The following IL31RA variants were observed in gnomAD, a reference collection of about 807,000 sequenced individuals.
The protein encoded by IL31RA is interleukin 31 receptor A, also known as interleukin-31 receptor subunit alpha.
IL31RA carries 66 observed loss-of-function variants against 83.7 expected under a neutral mutation model. The observed-to-expected ratio is 0.79, with a 90% CI of 0.65 to 0.97. The LOEUF (loss-of-function observed/expected upper bound fraction) is 0.97. Ranked by LOEUF, IL31RA falls within the 50% of genes least tolerant of loss-of-function variation. IL31RA has a pLI of 0.00. For missense variants in IL31RA, 798 were observed against 919.4 expected (o/e 0.87, Z 1.71); for synonymous variants, 325 against 329.0 (o/e 0.99, Z 0.13).
At chr5:55,880,851 T>C (rs190246938) in intron 4 of IL31RA, among the ~76,000 whole-genome samples, 1 of 152,278 alleles carries the variant, frequency 6.6e-6, no homozygotes, top group Admixed American at 6.5e-5. Flanking sequence ...AGAAACACTA[T>C]TGTTAGCGGT....
chr5:55,906,040 A>T (rs114661754), intron 8 of IL31RA, 66 bp from the exon 9 acceptor site: 36,630 of 1,497,214 alleles, frequency 0.024, 975 homozygotes, highest in African/African-American at 0.13. Context: ...TGAGGATGCC[A>T]GTGTGGTTGT....
At chr5:55,850,908 T>C (rs375846790), upstream of IL31RA, among the ~76,000 whole-genome samples, 3 of 151,930 alleles carry the variant, frequency 2.0e-5, no homozygotes, top group East Asian at 3.9e-4. Context: ...CTGAACAACA[T>C]GGAGAAACCC....
chr5:55,851,724 C>T (rs1745082780), intron 1 of IL31RA, 91 bp downstream of exon 1: 1 of 1,611,508 alleles, frequency 6.2e-7, no homozygotes, highest in African/African-American at 1.3e-5. Context: ...GTTGATTTTA[C>T]CTACCTAGTG....
chr5:55,911,511 G>A (rs912485269), intron 12 of IL31RA, among the ~76,000 whole-genome samples: 8 of 152,096 alleles, frequency 5.3e-5, no homozygotes. Context: ...TGAGCAAAAA[G>A]ACATATGATA....
chr5:55,906,554 C>T (rs1749172171), intron 9 of IL31RA, among the ~76,000 whole-genome samples: 1 of 152,114 alleles, frequency 6.6e-6, no homozygotes, highest in Non-Finnish European at 1.5e-5. Context: ...AGAGTCCTTC[C>T]CGGATAGCTG....
rs16884629 is a variant in IL31RA at position 55,891,243 on chromosome 5, G to A, written c.772+1108G>A. Among the ~76,000 whole-genome samples, 3,713 of 152,302 alleles carry A rather than the reference G, an allele frequency of 0.024. 297 individuals carry two copies. In the East Asian group the frequency reaches 0.28, roughly 12 times the overall value. On this transcript the variant is annotated intron_variant, in intron 6 of 14. Coordinates refer to ENST00000652347, the MANE Select transcript of IL31RA (RefSeq NM_139017.7). Reference sequence around the variant, plus strand: ...AACAGCTCAGGGTCACTCAGCATGTGTTACTTTTCTCAAGAGCCTTGCCCA... The same window carrying A: ...AACAGCTCAGGGTCACTCAGCATGTATTACTTTTCTCAAGAGCCTTGCCCA...
chr5:55,872,523 G>A lies in IL31RA; in HGVS notation c.454+72G>A, dbSNP rs549944810. On this transcript the variant is annotated intron_variant, in intron 4 of 14. Coordinates refer to ENST00000652347, the MANE Select transcript of IL31RA (RefSeq NM_139017.7). ...CTCCTTCTCTGTTCAAGAGGTATCT[G>A]TGGACTCAAAAGTAGGCTCATCAAG... is the stretch of plus-strand genomic sequence containing the variant. 5 of 1,110,178 alleles carry A rather than the reference G, an allele frequency of 4.5e-6. No homozygotes were observed. The East Asian group carries it at 7.1e-5, about 16-fold the overall frequency. The allele number at this position is 1,110,178 out of a possible 1,614,324, so 68.8% of individuals were successfully genotyped here.
intron 2 of IL31RA, among the ~76,000 whole-genome samples, chr5:55,865,446 C>T (rs1192028831): frequency 6.6e-6 from 1 of 152,120 alleles, no homozygotes; most frequent in Non-Finnish European, 1.5e-5. Context: ...TTCTCAGTGG[C>T]TCCTTTACCC....
At chr5:55,881,967 T>G (rs376164400) in intron 4 of IL31RA, among the ~76,000 whole-genome samples, 12 of 152,222 alleles carry the variant, frequency 7.9e-5, no homozygotes, top group African/African-American at 2.9e-4. Context: ...TGCCTCAGCC[T>G]CCCAAAGTGC....
chr5:55,875,580 T>C (rs949046396), intron 4 of IL31RA, among the ~76,000 whole-genome samples: 13 of 152,152 alleles, frequency 8.5e-5, no homozygotes, highest in Non-Finnish European at 1.3e-4. Context: ...ACTGTAAACA[T>C]TGGTGTTAAT....
chr5:55,840,043 G>T, the IL31RA span: 4 of 430,548 alleles, frequency 9.3e-6, no homozygotes, highest in Admixed American at 1.0e-4. Context: ...TACCTGGTCT[G>T]GTGTCAAAAC....
intron 13 of IL31RA, 45 bp from the exon 14 acceptor site, chr5:55,914,802 G>T: frequency 7.3e-7 from 1 of 1,373,346 alleles, no homozygotes. Context: ...TGGTGCTAAT[G>T]CTTCTTGGAT....
chr5:55,869,002 G>T (rs1296913891), intron 3 of IL31RA, 94 bp downstream of exon 3: 9 of 804,752 alleles, frequency 1.1e-5, no homozygotes, highest in Non-Finnish European at 2.0e-5. Context: ...GAAGCAAAAA[G>T]TTTCCTCAAT....
Position 55,859,601 on chromosome 5 carries a change from T to C in IL31RA, c.154+2T>C. 1 of 1,595,482 alleles carries C rather than the reference T, an allele frequency of 6.3e-7. No homozygotes were observed. The highest frequency in any genetic ancestry group is 1.1e-5 in the South Asian group (1 of 90,582). On this transcript the variant is annotated splice_donor_variant, in intron 2 of 14. Coordinates refer to ENST00000652347, the MANE Select transcript of IL31RA (RefSeq NM_139017.7). LOFTEE classifies it high-confidence loss of function. ...CACTCTGCAAATTCAGCCTGGCAGG[T>C]AGGTTGACCTGGGCCCTTTTACAGA... is the stretch of plus-strand genomic sequence containing the variant.
At chr5:55,867,221 TTGTGTGTG>T (rs1192139886) in intron 2 of IL31RA, among the ~76,000 whole-genome samples, 1 of 74,726 alleles carries the variant, frequency 1.3e-5, no homozygotes, top group Admixed American at 1.2e-4. Flanking sequence ...GCATGTGTGT[TTGTGTGTG>T]TGTTTGTGTG....
At chr5:55,895,729 A>G (rs1474202875) in intron 6 of IL31RA, among the ~76,000 whole-genome samples, 1 of 152,228 alleles carries the variant, frequency 6.6e-6, no homozygotes, top group Non-Finnish European at 1.5e-5. Context: ...TCGTAACCAG[A>G]AAATAGTTTC....
chr5:55,911,327 T>C (rs887035987), intron 12 of IL31RA, among the ~76,000 whole-genome samples: 1 of 152,024 alleles, frequency 6.6e-6, no homozygotes, highest in Non-Finnish European at 1.5e-5. Flanking sequence ...TCCCCCTGGG[T>C]CCCTCCCACA....
chr5:55,860,814 T>G (rs543614242), intron 2 of IL31RA, among the ~76,000 whole-genome samples: 1 of 152,286 alleles, frequency 6.6e-6, no homozygotes, highest in South Asian at 2.1e-4. Context: ...TGGGCTGCCA[T>G]AACAAAATAC....
intron 2 of IL31RA, among the ~76,000 whole-genome samples, chr5:55,866,405 C>G (rs866290371): frequency 6.6e-6 from 1 of 151,906 alleles, no homozygotes; most frequent in South Asian, 2.1e-4. Flanking sequence ...AGGATGAAAC[C>G]GTTCTACCTC....
Sources: gnomAD v4.1 joint callset for allele counts (sites outside exome capture counted in the v4.1 genomes callset) on GRCh38, gnomAD v4.1.1 for gene constraint, MANE v1.5 for transcripts, NCBI Gene and HGNC (gene_info 2026-07-23, HGNC 2026-07-21) for gene names.